MARVELD2: variants seen among roughly 807,000 people sequenced by gnomAD.
MARVELD2 encodes MARVEL domain-containing protein 2.
MARVELD2 carries 49 observed loss-of-function variants against 57.6 expected under a neutral mutation model. The observed-to-expected ratio is 0.85, with a 90% CI of 0.68 to 1.08. The LOEUF (loss-of-function observed/expected upper bound fraction) is 1.08. Among genes scored for constraint, MARVELD2 ranks in the 50% least tolerant of loss-of-function variants. The probability of loss-of-function intolerance (pLI) is 0.00; values close to 1 mark genes in which losing one functional copy is unlikely to be tolerated. For synonymous variants in MARVELD2, 238 were observed against 258.8 expected (o/e 0.92, Z 0.77); for missense variants, 606 against 701.1 (o/e 0.86, Z 1.53).
intron 1 of MARVELD2, among the ~76,000 whole-genome samples, chr5:69,416,774 C>T (rs1384304653): frequency 6.6e-6 from 1 of 152,052 alleles, no homozygotes; most frequent in Non-Finnish European, 1.5e-5. Context: ...AGCATTTGAC[C>T]TCTTCTCAAG....
chr5:69,433,230 T>C (rs900688731), intron 5 of MARVELD2, 137 bp downstream of exon 5: 4 of 887,920 alleles, frequency 4.5e-6, no homozygotes, highest in East Asian at 2.7e-5. Flanking sequence ...TGGCACAATC[T>C]TGGCTTGCTG....
At chr5:69,425,740 T>G (rs190315946) in intron 3 of MARVELD2, among the ~76,000 whole-genome samples, 36 of 150,888 alleles carry the variant, frequency 2.4e-4, no homozygotes, top group African/African-American at 6.3e-4. Context: ...TAATACTTTT[T>G]TTTTTTTTTT....
chr5:69,427,544 C>T (rs1766828349), intron 3 of MARVELD2, among the ~76,000 whole-genome samples: 1 of 152,024 alleles, frequency 6.6e-6, no homozygotes, highest in South Asian at 2.1e-4. Context: ...CCTTAGTTCT[C>T]TCTATTTCTA....
chr5:69,437,261 A>G (rs1767177156), intron 5 of MARVELD2, among the ~76,000 whole-genome samples: 1 of 151,318 alleles, frequency 6.6e-6, no homozygotes, highest in African/African-American at 2.4e-5. Context: ...CATGTGTGTA[A>G]TCCCAGCTAC....
Position 69,441,547 on chromosome 5 carries a change from GA to G in MARVELD2, c.1578del (p.Glu527AsnfsTer6). The G allele has an allele frequency of 3.7e-6, 6 of 1,607,754 alleles. No individual in the cohort carries two copies. The highest frequency in any genetic ancestry group is 2.2e-5 in the South Asian group (2 of 90,520). On this transcript the variant is annotated frameshift_variant, in exon 7 of 7. Transcript: ENST00000325631. LOFTEE classifies it high-confidence loss of function. ...TCTTTTACAGGATCCTACATTTCTGGAAAAAAAAGAACGCTGTGATTACCTA... is the reference window on the plus strand; with the variant it reads ...TCTTTTACAGGATCCTACATTTCTGGAAAAAAAGAACGCTGTGATTACCTA... ...KKKKNDPTFL[E>X]KKERCDYLKN...
chr5:69,419,184 C>T, intron 1 of MARVELD2, 187 bp from the exon 2 acceptor site: 1 of 664,996 alleles, frequency 1.5e-6, no homozygotes, highest in Admixed American at 2.5e-5. Flanking sequence ...TCTTGGCCTC[C>T]CAAAGTGCTG....
rs1343068181 is a variant in MARVELD2 at position 69,419,519 on chromosome 5, C to A, written c.134C>A (p.Pro45His). 2 of 1,613,980 alleles carry A rather than the reference C, an allele frequency of 1.2e-6. No individual in the cohort carries two copies. The highest frequency in any genetic ancestry group is 1.7e-6 in the Non-Finnish European group (2 of 1,180,040). The change falls in exon 2 of 7, where the codon CCC (proline) becomes CAC (histidine). Residue 45 changes from proline (P) to histidine (H), a missense_variant. Coordinates refer to ENST00000325631, the MANE Select transcript of MARVELD2 (RefSeq NM_001038603.3). ...AGTGAGCGGGCAGTGAGCGCTGATC[C>A]CTTGCCACCACCCCCTCTCCCATTA... is the stretch of plus-strand genomic sequence containing the variant. ...HDSERAVSAD[P>H]LPPPPLPLQP...
chr5:69,417,560 T>G (rs1330998973), intron 1 of MARVELD2, among the ~76,000 whole-genome samples: 15 of 152,150 alleles, frequency 9.9e-5, no homozygotes, highest in Admixed American at 9.8e-4. Context: ...TCCCAGCACT[T>G]TGGGTGGCCA....
In MARVELD2 at chr5:69,419,694, G is replaced by A. The variant is rs550336737; in HGVS notation, c.309G>A (p.Val103=). The A allele has an allele frequency of 4.3e-6, 7 of 1,614,158 alleles. No individual in the cohort carries two copies. The highest frequency in any genetic ancestry group is 5.9e-6 in the Non-Finnish European group (7 of 1,180,034). ...AGGACCCCGAATGGGATAAGCCGGT[G>A]TCTGATATCAGGTACATCTCCGATG... ...KKKDPEWDKP[V]SDIRYISDGV... is the part of the protein sequence containing the mutation. The change falls in exon 2 of 7, where the codon GTG becomes GTA. Residue 103 remains valine (V), a synonymous_variant. Transcript: ENST00000325631.
At chr5:69,437,535 T>C (rs1230981770) in intron 5 of MARVELD2, among the ~76,000 whole-genome samples, 2 of 151,304 alleles carry the variant, frequency 1.3e-5, no homozygotes, top group Non-Finnish European at 2.9e-5. Context: ...ATACAAAAAA[T>C]TAGCCGAGCA....
At chr5:69,427,522 T>G (rs554218938) in intron 3 of MARVELD2, among the ~76,000 whole-genome samples, 8 of 152,312 alleles carry the variant, frequency 5.3e-5, no homozygotes, top group African/African-American at 1.9e-4. Flanking sequence ...GCAATTGTCC[T>G]GCCTCAGCCT....
intron 5 of MARVELD2, among the ~76,000 whole-genome samples, chr5:69,439,632 T>C (rs559871110): frequency 6.6e-6 from 1 of 151,994 alleles, no homozygotes; most frequent in South Asian, 2.1e-4. Context: ...TGCACACCTA[T>C]AATTCCAGCT....
rs199777123 is a variant in MARVELD2 at position 69,419,422 on chromosome 5, C to T, written c.37C>T (p.Arg13Cys). ...NDGRSRNRDR[R>C]YDEVPSDLPY... ...TGGAAGATCCAGGAATCGGGACAGG[C>T]GCTACGATGAGGTCCCAAGCGACCT... The change falls in exon 2 of 7, where the codon CGC (arginine) becomes TGC (cysteine). Residue 13 changes from arginine to cysteine, a missense_variant. Coordinates refer to ENST00000325631, the MANE Select transcript of MARVELD2 (RefSeq NM_001038603.3). 17 of 1,614,158 alleles carry T rather than the reference C, an allele frequency of 1.1e-5. No individual in the cohort carries two copies. Among genetic ancestry groups the T allele is most frequent in the South Asian group, 3.3e-5 (3 of 91,080 alleles).
chr5:69,422,794 A>G (rs966900883), intron 2 of MARVELD2, among the ~76,000 whole-genome samples: 2 of 152,148 alleles, frequency 1.3e-5, no homozygotes, highest in Non-Finnish European at 2.9e-5. Context: ...ACCTGCCGAC[A>G]TGTGATGTCT....
intron 3 of MARVELD2, 98 bp from the exon 4 acceptor site, chr5:69,432,429 C>T: frequency 2.9e-6 from 4 of 1,357,328 alleles, no homozygotes; most frequent in Non-Finnish European, 4.1e-6. Flanking sequence ...GTTTGAGCCA[C>T]CCCACCTGAT....
At chr5:69,422,786 C>T (rs953966155) in intron 2 of MARVELD2, among the ~76,000 whole-genome samples, 3 of 152,190 alleles carry the variant, frequency 2.0e-5, no homozygotes, top group African/African-American at 7.2e-5. Flanking sequence ...ATCACGGAAC[C>T]TGCCGACATG....
intron 3 of MARVELD2, among the ~76,000 whole-genome samples, chr5:69,432,262 C>T (rs1365034963): frequency 1.3e-5 from 2 of 151,982 alleles, no homozygotes; most frequent in African/African-American, 4.8e-5. Context: ...CAGCCCACCT[C>T]GGTTTCCCAA....
intron 5 of MARVELD2, among the ~76,000 whole-genome samples, chr5:69,435,647 G>A (rs1009451738): frequency 6.6e-6 from 1 of 151,306 alleles, no homozygotes; most frequent in African/African-American, 2.4e-5. Context: ...CAGCTACTTG[G>A]GAGGCTGAGG....
At position 69,420,420 on chromosome 5, in the gene MARVELD2, G is replaced by A; in HGVS notation, c.1035G>A (p.Met345Ile). The change falls in exon 2 of 7, where the codon ATG (methionine) becomes ATA (isoleucine). Residue 345 changes from methionine to isoleucine, a missense_variant. Physicochemically the swap from Met to Ile is conservative, Grantham distance 10. Coordinates refer to ENST00000325631, the MANE Select transcript of MARVELD2 (RefSeq NM_001038603.3). The stretch of plus-strand genomic sequence containing the variant: ...TAGAAGGAGGACAGATAGCTGCAAT[G>A]ATCTTCCTGTTTGTCACCATGATAG... ...CRVEGGQIAA[M>I]IFLFVTMIVY... 6.2e-7 allele frequency: 1 copy of A among 1,613,938 alleles called. No individual in the cohort carries two copies. Among genetic ancestry groups the A allele is most frequent in the East Asian group, 2.2e-5 (1 of 44,880 alleles).
Sources: gnomAD v4.1 joint callset for allele counts (sites outside exome capture counted in the v4.1 genomes callset) on GRCh38, gnomAD v4.1.1 for gene constraint, MANE v1.5 for transcripts, NCBI Gene and HGNC (gene_info 2026-07-23, HGNC 2026-07-21) for gene names.